The following CACNA2D3 variants were observed in gnomAD, a reference collection of about 807,000 sequenced individuals.
CACNA2D3 encodes calcium voltage-gated channel auxiliary subunit alpha2delta 3.
Under a neutral mutation model 160.6 loss-of-function variants are expected in CACNA2D3, and 60 were observed. The observed-to-expected ratio is 0.37, with a 90% confidence interval of 0.30 to 0.46. The LOEUF (loss-of-function observed/expected upper bound fraction) is 0.46. CACNA2D3 is among the 20% of genes least tolerant of loss of function. The pLI is 1.00. For missense variants in CACNA2D3, 1,205 were observed against 1,365.0 expected, an observed-to-expected ratio of 0.88 and a Z score of 1.85; for synonymous variants, 558 against 492.9, an observed-to-expected ratio of 1.13 and a Z score of -1.75.
chr3:54,706,564 G>C (rs1237266262), intron 11 of CACNA2D3, among the ~76,000 whole-genome samples: 3 of 152,180 alleles, frequency 2.0e-5, no homozygotes, highest in Admixed American at 2.0e-4. Flanking sequence ...TGAGTGACAT[G>C]TTGCCATTGA....
At chr3:55,025,872 C>T (rs1466902002) in intron 35 of CACNA2D3, among the ~76,000 whole-genome samples, 1 of 151,858 alleles carries the variant, frequency 6.6e-6, no homozygotes, top group African/African-American at 2.4e-5. Context: ...GTCAGTCATA[C>T]ACTGCAGAAG....
chr3:54,624,423 C>T (rs974212804), intron 9 of CACNA2D3, among the ~76,000 whole-genome samples: 1 of 152,104 alleles, frequency 6.6e-6, no homozygotes, highest in African/African-American at 2.4e-5. Context: ...GAGATCGAGA[C>T]CATCCTGGCT....
intron 10 of CACNA2D3, among the ~76,000 whole-genome samples, chr3:54,640,716 C>T (rs967412492): frequency 1.3e-5 from 2 of 152,276 alleles, no homozygotes; most frequent in Non-Finnish European, 2.9e-5. Flanking sequence ...TAAGAAAATA[C>T]TTGGGCTTCT....
At chr3:54,971,460 A>G (rs1702275257) in intron 29 of CACNA2D3, among the ~76,000 whole-genome samples, 1 of 152,152 alleles carries the variant, frequency 6.6e-6, no homozygotes, top group Non-Finnish European at 1.5e-5. Flanking sequence ...GAGGATGGTT[A>G]GTTGGTTAGT....
At chr3:54,679,013 A>G (rs1380633091) in intron 11 of CACNA2D3, among the ~76,000 whole-genome samples, 2 of 152,120 alleles carry the variant, frequency 1.3e-5, no homozygotes, top group Non-Finnish European at 2.9e-5. Flanking sequence ...AGACCCTAAC[A>G]TTTGGTCAGC....
At chr3:54,822,778 C>CTTTTCTTTCT (rs879763620) in intron 14 of CACNA2D3, among the ~76,000 whole-genome samples, 2 of 81,344 alleles carry the variant, frequency 2.5e-5, no homozygotes, top group African/African-American at 1.1e-4. Flanking sequence ...TTCTTTCTTT[C>CTTTTCTTTCT]TTTCTTTCTT....
rs1301500606 is a variant in CACNA2D3 at position 54,822,785 on chromosome 3, TCTTTC to T, written c.1398+5921_1398+5925del. 1.3e-3 allele frequency among the ~76,000 whole-genome samples: 103 copies of T among 78,674 alleles called. 1 individual carries two copies. The highest frequency in any genetic ancestry group is 8.6e-3 in the South Asian group (18 of 2,098). 51.6% of individuals were successfully genotyped at this position (78,674 alleles called of 152,430 possible). On this transcript the variant is annotated intron_variant, in intron 14 of 37. Coordinates refer to ENST00000474759, the MANE Select transcript of CACNA2D3 (RefSeq NM_018398.3). ...TTCTTTCTTTCTTTCTTTCTTTCTT[TCTTTC>T]CTTTCTTTCTTTCTTTCTTTCTTTC...
At chr3:54,479,434 C>T (rs1003851388) in intron 4 of CACNA2D3, among the ~76,000 whole-genome samples, 4 of 152,222 alleles carry the variant, frequency 2.6e-5, no homozygotes, top group South Asian at 2.1e-4. Flanking sequence ...TGGAAGACTA[C>T]TTCACAGCGA....
At chr3:54,889,618 C>G (rs576376916) in intron 24 of CACNA2D3, among the ~76,000 whole-genome samples, 1 of 152,290 alleles carries the variant, frequency 6.6e-6, no homozygotes, top group East Asian at 1.9e-4. Flanking sequence ...AGTCTCTCTT[C>G]TAGACATCGT....
intron 35 of CACNA2D3, among the ~76,000 whole-genome samples, chr3:55,063,276 G>A (rs527773319): frequency 2.0e-5 from 3 of 151,992 alleles, no homozygotes; most frequent in South Asian, 4.2e-4. Flanking sequence ...ACAGAAACTG[G>A]CATTTCAGCA....
At chr3:54,402,293 G>A (rs1263442061) in intron 4 of CACNA2D3, among the ~76,000 whole-genome samples, 2 of 151,854 alleles carry the variant, frequency 1.3e-5, no homozygotes, top group Non-Finnish European at 2.9e-5. Context: ...CAATAATTAC[G>A]ATGAATGTAA....
At chr3:54,149,059 G>A (rs755453702) in intron 2 of CACNA2D3, among the ~76,000 whole-genome samples, 7 of 151,714 alleles carry the variant, frequency 4.6e-5, no homozygotes, top group African/African-American at 9.7e-5. Context: ...TGAGGGGAGC[G>A]AGACAGTCCA....
chr3:54,300,937 T>A (rs540744323), intron 2 of CACNA2D3, among the ~76,000 whole-genome samples: 2 of 151,978 alleles, frequency 1.3e-5, no homozygotes, highest in African/African-American at 4.8e-5. Flanking sequence ...CAGATGATCA[T>A]TTGAGCCCAG....
intron 2 of CACNA2D3, among the ~76,000 whole-genome samples, chr3:54,126,673 T>C (rs572157153): frequency 1.4e-4 from 22 of 152,176 alleles, no homozygotes; most frequent in Non-Finnish European, 2.6e-4. Flanking sequence ...ATTGTGGGAC[T>C]TGTCTGTGGG....
chr3:54,929,632 A>G (rs1701134853), intron 27 of CACNA2D3, among the ~76,000 whole-genome samples: 2 of 152,120 alleles, frequency 1.3e-5, no homozygotes, highest in South Asian at 4.1e-4. Context: ...CCTTCTCTCC[A>G]ACATTTTTTT....
chr3:54,803,556 G>GA (rs544327851), intron 13 of CACNA2D3, among the ~76,000 whole-genome samples: 3 of 152,108 alleles, frequency 2.0e-5, no homozygotes, highest in East Asian at 1.9e-4. Context: ...GGGACTATGT[G>GA]AAAAAAACAA....
At chr3:54,202,511 T>C (rs895812166) in intron 2 of CACNA2D3, among the ~76,000 whole-genome samples, 1 of 152,256 alleles carries the variant, frequency 6.6e-6, no homozygotes, top group African/African-American at 2.4e-5. Context: ...ACCCATTTTC[T>C]TCCTTCACTG....
At chr3:54,719,765 A>G (rs148641368) in intron 11 of CACNA2D3, among the ~76,000 whole-genome samples, 207 of 152,164 alleles carry the variant, frequency 1.4e-3, no homozygotes, top group African/African-American at 4.8e-3. Flanking sequence ...TGAAGCCACA[A>G]GGGACTGTAG....
intron 2 of CACNA2D3, among the ~76,000 whole-genome samples, chr3:54,193,710 G>A (rs974888033): frequency 2.6e-5 from 4 of 152,158 alleles, no homozygotes; most frequent in Non-Finnish European, 5.9e-5. Context: ...CCCCCAGCCT[G>A]GATGAGTTTG....
Sources: gnomAD v4.1 joint callset for allele counts (sites outside exome capture counted in the v4.1 genomes callset) on GRCh38, gnomAD v4.1.1 for gene constraint, MANE v1.5 for transcripts, NCBI Gene and HGNC (gene_info 2026-07-23, HGNC 2026-07-21) for gene names.